Variants in MED25 observed in about 807,000 individuals in gnomAD.
MED25 encodes mediator complex subunit 25.
MED25 carries 62 observed loss-of-function variants against 89.4 expected under a neutral mutation model. The observed-to-expected ratio is 0.69, with a 90% CI of 0.57 to 0.86. MED25 has a LOEUF of 0.86. Among genes scored for constraint, MED25 ranks in the 40% least tolerant of loss-of-function variants. The pLI is 0.00. For missense variants in MED25, 905 were observed against 1,005.2 expected, an observed-to-expected ratio of 0.90 and a Z score of 1.35; for synonymous variants, 449 against 427.9, an observed-to-expected ratio of 1.05 and a Z score of -0.61.
downstream of MED25, chr19:49,839,040 G>A (rs1254644100): frequency 9.5e-6 from 3 of 314,160 alleles, no homozygotes; most frequent in South Asian, 5.3e-5. Flanking sequence ...GAGATAACTC[G>A]GGGGATTTAC....
chr19:49,832,350 T>C lies in MED25; in HGVS notation c.1417T>C (p.Phe473Leu). The change falls in exon 13 of 18, where the codon TTC (phenylalanine) becomes CTC (leucine). Residue 473 changes from phenylalanine to leucine, a missense_variant. By Grantham distance (22) the Phe-to-Leu change is conservative. Transcript: ENST00000312865. The part of the protein sequence containing the change: ...PLFRNSRMVQ[F>L]HFTNKDLESL... ...GTTCCGGAACTCAAGGATGGTCCAG[T>C]TCCATTTCACCAACAAGGACCTGGA... 1.2e-6 allele frequency: 2 copies of C among 1,611,280 alleles called. No homozygotes were observed. The highest frequency in any genetic ancestry group is 1.7e-6 in the Non-Finnish European group (2 of 1,178,644).
chr19:49,832,925 T>G, intron 13 of MED25: 1 of 217,084 alleles, frequency 4.6e-6, no homozygotes, highest in Non-Finnish European at 9.4e-6. Flanking sequence ...CGCAGCTGTC[T>G]TCCCTCTGTG....
At chr19:49,819,329 G>A in intron 3 of MED25, 33 bp downstream of exon 3, 1 of 1,610,184 alleles carries the variant, frequency 6.2e-7, no homozygotes, top group Non-Finnish European at 8.5e-7. Flanking sequence ...TGGGTTGCTG[G>A]TCCCTGTGAG....
In MED25 at chr19:49,818,553, C is replaced by A; in HGVS notation, c.135-18C>A. 1 of 1,614,248 alleles carries A rather than the reference C, an allele frequency of 6.2e-7. No individual in the cohort carries two copies. The highest frequency in any genetic ancestry group is 1.3e-5 in the African/African-American group (1 of 75,072). ...AGTTTCTTGCCTGACTCCGACCTTT[C>A]ACTTCCTACCCTCACAGGTATTTTA... On this transcript the variant is annotated intron_variant, in intron 1 of 17. Transcript: ENST00000312865.
At position 49,831,983 on chromosome 19, in the gene MED25, A is replaced by T. The variant is rs1235405156; in HGVS notation, c.1278A>T (p.Ser426=). ...SVDANTKLTR[S]LPCQVYVNHG... is the part of the protein sequence containing the mutation. The stretch of plus-strand genomic sequence containing the variant: ...ATGCCAACACCAAGCTGACGCGGTC[A>T]CTGCCCTGCCAGGTCTACGTGAATC... The change falls in exon 11 of 18, where the codon TCA becomes TCT. Residue 426 remains serine (S), a synonymous_variant. Coordinates refer to ENST00000312865, the MANE Select transcript of MED25 (RefSeq NM_030973.4). This position sits in a 1 kb window ranked among gnomAD's most constrained non-coding sequence, Gnocchi z 5.0. 2.5e-5 allele frequency: 41 copies of T among 1,613,916 alleles called. No individual in the cohort carries two copies. The highest frequency in any genetic ancestry group is 3.5e-5 in the Non-Finnish European group (41 of 1,179,972).
Position 49,828,951 on chromosome 19 carries a change from C to T in MED25, c.405-19C>T, listed in dbSNP as rs1600323225. The T allele has an allele frequency of 1.2e-6, 2 of 1,613,906 alleles. No individual in the cohort carries two copies. Among genetic ancestry groups the T allele is most frequent in the Non-Finnish European group, 8.5e-7 (1 of 1,179,970 alleles). On this transcript the variant is annotated intron_variant, in intron 4 of 17. Coordinates refer to ENST00000312865, the MANE Select transcript of MED25 (RefSeq NM_030973.4). ...GCCTCTGTTGCTGCTGGCTCCATGT[C>T]TTCTCTCTTTCCTGGTAGTGGCCAG...
Position 49,831,845 on chromosome 19 carries a change from G to T in MED25, c.1231-91G>T. 8.2e-7 allele frequency: 1 copy of T among 1,213,292 alleles called. No homozygotes were observed. The highest frequency in any genetic ancestry group is 1.2e-6 in the Non-Finnish European group (1 of 819,746). 75.2% of individuals were successfully genotyped at this position (1,213,292 alleles called of 1,614,324 possible). The stretch of plus-strand genomic sequence containing the variant: ...TGGGACTTAAACTGGGGAACATCCT[G>T]AGCTTTGGGGCTACCAGGGTAGGAC... On this transcript the variant is annotated intron_variant, in intron 10 of 17. Coordinates refer to ENST00000312865, the MANE Select transcript of MED25 (RefSeq NM_030973.4). The surrounding 1 kb of genome is among the most constrained non-coding windows in gnomAD (Gnocchi z 5.0).
In MED25 at chr19:49,835,131, A is replaced by G. The variant is rs1440403345; in HGVS notation, c.1628A>G (p.Asn543Ser). 2 of 1,614,016 alleles carry G rather than the reference A, an allele frequency of 1.2e-6. No homozygotes were observed. Among genetic ancestry groups the G allele is most frequent in the Non-Finnish European group, 1.7e-6 (2 of 1,179,978 alleles). ...AACGGCATCCGGCAGGTCATCACCA[A>G]CCACAAGCAGGTCCAGCAGCAGAAG... ...FVNGIRQVIT[N>S]HKQVQQQKLE... is the part of the protein sequence containing the mutation. Residue 543 changes from asparagine (N) to serine (S), a missense_variant, in exon 14 of 18, where the codon AAC becomes AGC. By Grantham distance (46) the Asn-to-Ser change is conservative. Transcript: ENST00000312865. The surrounding 1 kb of genome is among the most constrained non-coding windows in gnomAD (Gnocchi z 6.2).
chr19:49,835,636 G>T lies in MED25; in HGVS notation c.1746+31G>T. 2 of 1,557,664 alleles carry T rather than the reference G, an allele frequency of 1.3e-6. No individual in the cohort carries two copies. The highest frequency in any genetic ancestry group is 1.7e-6 in the Non-Finnish European group (2 of 1,151,172). On this transcript the variant is annotated intron_variant, in intron 15 of 17. Coordinates refer to ENST00000312865, the MANE Select transcript of MED25 (RefSeq NM_030973.4). This position sits in a 1 kb window ranked among gnomAD's most constrained non-coding sequence, Gnocchi z 6.2. The stretch of plus-strand genomic sequence containing the variant: ...GACAGGGCTGGCGGGGTCGGGGCTG[G>T]GTTGGGGAGGCCCCAAGGCTGCGCT...
chr19:49,837,533 C>T (rs1016445825), downstream of MED25, among the ~76,000 whole-genome samples: 11 of 152,080 alleles, frequency 7.2e-5, no homozygotes, highest in African/African-American at 2.7e-4. Context: ...CGGGCCTAGG[C>T]CAGCTCTGGA....
At position 49,829,725 on chromosome 19, in the gene MED25, G is replaced by A. The variant is rs915207373; in HGVS notation, c.526-61G>A. 5.3e-6 allele frequency: 8 copies of A among 1,522,068 alleles called. No homozygotes were observed. In the African/African-American group the frequency reaches 9.7e-5, roughly 18 times the overall value. The allele number at this position is 1,522,068 out of a possible 1,614,324, so 94.3% of individuals were successfully genotyped here. A position where few individuals can be genotyped will look rare whatever the true frequency, so the allele number is the denominator to read the frequency against. On this transcript the variant is annotated intron_variant, in intron 5 of 17. Coordinates refer to ENST00000312865, the MANE Select transcript of MED25 (RefSeq NM_030973.4). The surrounding 1 kb of genome is among the most constrained non-coding windows in gnomAD (Gnocchi z 4.6). ...CACACAGCAGTTGTGGTAGGTTGGG[G>A]GCCGGCCCCAACACCCTTATGGAGG... is the stretch of plus-strand genomic sequence containing the variant.
downstream of MED25, chr19:49,838,413 C>T (rs540208075): frequency 2.7e-6 from 1 of 368,156 alleles, no homozygotes; most frequent in East Asian, 7.3e-5. Flanking sequence ...CTGCCCCTCT[C>T]CATGGGGCGT....
intron 3 of MED25, among the ~76,000 whole-genome samples, chr19:49,827,158 G>A (rs967492588): frequency 2.0e-5 from 3 of 152,096 alleles, no homozygotes; most frequent in African/African-American, 2.4e-5. Flanking sequence ...CTCCACACAC[G>A]TCCCCTGCAG....
At position 49,836,451 on chromosome 19, in the gene MED25, A is replaced by G. The variant is rs1201081926; in HGVS notation, c.2146+45A>G. 9.0e-6 allele frequency: 14 copies of G among 1,551,948 alleles called. No homozygotes were observed. In the Middle Eastern group the frequency reaches 2.0e-3, roughly 222 times the overall value. ...GGCAGAGGTCTGGACTGAGTGTCCC[A>G]GCAGCTCCTGGGCTAGAGCACCAAG... is the stretch of plus-strand genomic sequence containing the variant. On this transcript the variant is annotated intron_variant, in intron 17 of 17. Coordinates refer to ENST00000312865, the MANE Select transcript of MED25 (RefSeq NM_030973.4). The surrounding 1 kb of genome is among the most constrained non-coding windows in gnomAD (Gnocchi z 5.1).
intron 13 of MED25, chr19:49,832,785 AGAAGC>A: frequency 1.2e-5 from 4 of 346,904 alleles, no homozygotes; most frequent in East Asian, 7.6e-5. Flanking sequence ...TCTGGAGGCC[AGAAGC>A]CCAAGGTCAG....
rs372057910 is a variant in MED25, at chr19:49,832,304, G to A, written c.1375-4G>A. The A allele has an allele frequency of 1.1e-5, 18 of 1,597,174 alleles. No individual in the cohort carries two copies. In the Admixed American group the frequency reaches 2.1e-4, roughly 18 times the overall value. Reference sequence around the variant, plus strand: ...ATGCCAGCCGACTTCTGTGTCTCCCGCAGACCACCCTGGGCCCTTTGTTCC... The same window carrying A: ...ATGCCAGCCGACTTCTGTGTCTCCCACAGACCACCCTGGGCCCTTTGTTCC... On this transcript the variant is annotated splice_polypyrimidine_tract_variant and splice_region_variant and intron_variant, in intron 12 of 17. Transcript: ENST00000312865.
Position 49,825,387 on chromosome 19 carries a change from T to A in MED25, c.306-3062T>A, listed in dbSNP as rs538847622. Among the ~76,000 whole-genome samples, 24 of 152,152 alleles carry A rather than the reference T, an allele frequency of 1.6e-4. No homozygotes were observed. The South Asian group carries it at 4.8e-3, about 30-fold the overall frequency. ...CCTCAGCCTCCCGAGTAGCTGGGAT[T>A]ACACGTACCCACCACCATGTCTGGC... On this transcript the variant is annotated intron_variant, in intron 3 of 17. Coordinates refer to ENST00000312865, the MANE Select transcript of MED25 (RefSeq NM_030973.4).
At chr19:49,832,576 C>T (rs2074066369) in intron 13 of MED25, among the ~76,000 whole-genome samples, 161 bp downstream of exon 13, 1 of 152,110 alleles carries the variant, frequency 6.6e-6, no homozygotes, top group Non-Finnish European at 1.5e-5. Context: ...AGAGCCGTGA[C>T]TTTTATTATA....
rs191366132 is a variant in MED25, at chr19:49,830,545, C to T, written c.854C>T (p.Ala285Val). 3.7e-6 allele frequency: 6 copies of T among 1,614,126 alleles called. No homozygotes were observed. Among genetic ancestry groups the T allele is most frequent in the African/African-American group, 1.3e-5 (1 of 75,014 alleles). Residue 285 changes from alanine to valine, a missense_variant, in exon 8 of 18, where the codon GCG becomes GTG. Transcript: ENST00000312865. This position sits in a 1 kb window ranked among gnomAD's most constrained non-coding sequence, Gnocchi z 4.6. ...PGNLSAAQVAAQNAVEAAKNQ... is the reference protein window; with the variant it reads ...PGNLSAAQVAVQNAVEAAKNQ... ...AACCTGAGTGCAGCTCAGGTGGCCG[C>T]GCAGAATGCAGTGGAGGCTGCCAAG... is the stretch of plus-strand genomic sequence containing the variant.
Sources: gnomAD v4.1 joint callset for allele counts (sites outside exome capture counted in the v4.1 genomes callset) on GRCh38, gnomAD v4.1.1 for gene constraint, Gnocchi (gnomAD v3.1) non-coding constraint, MANE v1.5 for transcripts, NCBI Gene and HGNC (gene_info 2026-07-23, HGNC 2026-07-21) for gene names.